Variants in CDADC1 observed in about 807,000 individuals in gnomAD.
The protein encoded by CDADC1 is cytidine and dCMP deaminase domain containing 1, also known as dCTP deaminase.
A neutral mutation model predicts 54.9 loss-of-function variants in CDADC1; 39 were observed. That is an observed-to-expected ratio of 0.71 (90% CI 0.55 to 0.93). CDADC1 has a LOEUF of 0.93. Among genes scored for constraint, CDADC1 ranks in the 40% least tolerant of loss-of-function variants. The pLI is 0.00. For synonymous variants in CDADC1, 186 were observed against 204.0 expected, an observed-to-expected ratio of 0.91 and a Z score of 0.75; for missense variants, 518 against 618.8, an observed-to-expected ratio of 0.84 and a Z score of 1.73.
rs948208331 is a variant in CDADC1 at position 49,291,979 on chromosome 13, C to T, written c.*222C>T. On this transcript the variant is annotated 3_prime_UTR_variant, in exon 10 of 10. Transcript: ENST00000251108. ...AATGTAGTAGTGTGTTATTTTATTA[C>T]ACGAAATGAGGGAGCAATAACTTCA... is the stretch of plus-strand genomic sequence containing the variant. The T allele has an allele frequency of 2.1e-5, 27 of 1,277,098 alleles. No homozygotes were observed. The highest frequency in any genetic ancestry group is 3.4e-5 in the East Asian group (1 of 29,490). 79.1% of individuals were successfully genotyped at this position (1,277,098 alleles called of 1,614,324 possible).
chr13:49,279,179 CTG>C (rs1461948789), intron 7 of CDADC1, among the ~76,000 whole-genome samples: 4 of 152,232 alleles, frequency 2.6e-5, no homozygotes, highest in South Asian at 2.1e-4. Context: ...GATTAAAAAA[CTG>C]TGTAAGACAT....
rs146406550 is a variant in CDADC1 at position 49,266,222 on chromosome 13, T to A, written c.431-1268T>A. ...ATTACATGCAGTACTAGCAAAGGGG[T>A]CTCTTTGTTATAAACTGTTCATTAA... is the stretch of plus-strand genomic sequence containing the variant. On this transcript the variant is annotated intron_variant, in intron 4 of 9. Coordinates refer to ENST00000251108, the MANE Select transcript of CDADC1 (RefSeq NM_030911.4). 2.0e-3 allele frequency among the ~76,000 whole-genome samples: 309 copies of A among 152,028 alleles called. 1 individual carries two copies. The highest frequency in any genetic ancestry group is 7.1e-3 in the African/African-American group (296 of 41,462).
rs1258609410 is a variant in CDADC1, at chr13:49,292,877, T to C, written c.*1120T>C. On this transcript the variant is annotated 3_prime_UTR_variant, in exon 10 of 10. Coordinates refer to ENST00000251108, the MANE Select transcript of CDADC1 (RefSeq NM_030911.4). ...TTTTGTTCCCTGCCTTTCCGCCACA[T>C]CACACGGCCTCACTGGGCTTCCTAC... 2.3e-6 allele frequency: 2 copies of C among 865,796 alleles called. No homozygotes were observed. The highest frequency in any genetic ancestry group is 3.2e-6 in the Non-Finnish European group (2 of 631,074). The allele number at this position is 865,796 out of a possible 1,614,324, so 53.6% of individuals were successfully genotyped here. A position where few individuals can be genotyped will look rare whatever the true frequency, so the allele number is the denominator to read the frequency against.
rs966493068 is a variant in CDADC1 at position 49,251,411 on chromosome 13, GA to G, written c.177+2455del. 2.4e-4 allele frequency among the ~76,000 whole-genome samples: 36 copies of G among 147,338 alleles called. No individual in the cohort carries two copies. The East Asian group carries it at 2.6e-3, about 11-fold the overall frequency. On this transcript the variant is annotated intron_variant, in intron 2 of 9. Transcript: ENST00000251108. Reference sequence around the variant, plus strand: ...GACAGAAAAAAAAAGAAAAAAAAAAGAAAAAAAAACGTATAAAAACTGGACA... The same window carrying G: ...GACAGAAAAAAAAAGAAAAAAAAAAGAAAAAAAACGTATAAAAACTGGACA...
rs1953206524 is a variant in CDADC1 at position 49,278,346 on chromosome 13, G to A, written c.1051-4G>A. 3.9e-6 allele frequency: 6 copies of A among 1,524,698 alleles called. No homozygotes were observed. In the East Asian group the frequency reaches 7.0e-5, roughly 18 times the overall value. The allele number at this position is 1,524,698 out of a possible 1,614,324, so 94.4% of individuals were successfully genotyped here. On this transcript the variant is annotated splice_region_variant and splice_polypyrimidine_tract_variant and intron_variant, in intron 6 of 9. Transcript: ENST00000251108. Reference sequence around the variant, plus strand: ...ACTAACCATTGGTTTGCTCACTCTCGTAGAGAAGTTGTGATGGAACAGGTG... The same window carrying A: ...ACTAACCATTGGTTTGCTCACTCTCATAGAGAAGTTGTGATGGAACAGGTG...
At chr13:49,248,801 T>C (rs1354169794) in intron 1 of CDADC1, 70 bp from the exon 2 acceptor site, 2 of 947,808 alleles carry the variant, frequency 2.1e-6, no homozygotes, top group African/African-American at 3.2e-5. Flanking sequence ...AGCACCTAAG[T>C]GGCATTGAGA....
intron 5 of CDADC1, among the ~76,000 whole-genome samples, chr13:49,273,738 A>AATAGATAG (rs60077680): frequency 0.028 from 4,320 of 151,842 alleles, 110 homozygotes; most frequent in East Asian, 0.12. Flanking sequence ...ACTTTCTAGC[A>AATAGATAG]ATAGATAGAT....
chr13:49,252,694 A>T lies in CDADC1; in HGVS notation c.178-3145A>T, dbSNP rs947024467. On this transcript the variant is annotated intron_variant, in intron 2 of 9. Transcript: ENST00000251108. ...TATAGCTGCAACATTTTTAAAAACT[A>T]TTTTTTTCTCTTGGATTTCCTTTTT... is the stretch of plus-strand genomic sequence containing the variant. Among the ~76,000 whole-genome samples the T allele has an allele frequency of 2.6e-5, 4 of 152,206 alleles. No individual in the cohort carries two copies. The East Asian group carries it at 7.7e-4, about 29-fold the overall frequency.
rs1473177442 is a variant in CDADC1, at chr13:49,272,185, T to C, written c.1001-2106T>C. Among the ~76,000 whole-genome samples the C allele has an allele frequency of 2.0e-5, 3 of 152,196 alleles. No homozygotes were observed. In the East Asian group the frequency reaches 5.8e-4, roughly 29 times the overall value. On this transcript the variant is annotated intron_variant, in intron 5 of 9. Coordinates refer to ENST00000251108, the MANE Select transcript of CDADC1 (RefSeq NM_030911.4). ...TGATGGTAGAAAAGGGGGCTTTTAA[T>C]ATGGAGAATTTTTATTCTGGTTTTT... is the stretch of plus-strand genomic sequence containing the variant.
chr13:49,280,980 C>G (rs531491844), intron 8 of CDADC1, among the ~76,000 whole-genome samples: 3 of 151,650 alleles, frequency 2.0e-5, no homozygotes, highest in African/African-American at 7.3e-5. Flanking sequence ...ATTACAGGCG[C>G]CGGCCACCAC....
intron 7 of CDADC1, 42 bp from the exon 8 acceptor site, chr13:49,280,467 T>A (rs1463574456): frequency 9.1e-7 from 1 of 1,104,736 alleles, no homozygotes; most frequent in South Asian, 2.6e-5. Context: ...AACTTACCCT[T>A]TCAGAAACGA....
At chr13:49,268,143 C>A in intron 5 of CDADC1, 84 bp downstream of exon 5, 1 of 1,078,018 alleles carries the variant, frequency 9.3e-7, no homozygotes, top group Non-Finnish European at 1.3e-6. Flanking sequence ...TGGTAGAGTT[C>A]ATTTACTCAT....
chr13:49,292,951 C>A lies in CDADC1; in HGVS notation c.*1194C>A. ...GACCATCCAAACATTGGCTCCATGC[C>A]AGGGCTGTGACTGCAGCCTGTGTAG... On this transcript the variant is annotated 3_prime_UTR_variant, in exon 10 of 10. Coordinates refer to ENST00000251108, the MANE Select transcript of CDADC1 (RefSeq NM_030911.4). 1 of 404,016 alleles carries A rather than the reference C, an allele frequency of 2.5e-6. No individual in the cohort carries two copies. Among genetic ancestry groups the A allele is most frequent in the Non-Finnish European group, 4.3e-6 (1 of 230,382 alleles). 25.0% of individuals were successfully genotyped at this position (404,016 alleles called of 1,614,324 possible). A position where few individuals can be genotyped will look rare whatever the true frequency, so the allele number is the denominator to read the frequency against.
chr13:49,254,857 T>G (rs542530570), intron 2 of CDADC1, among the ~76,000 whole-genome samples: 4 of 152,218 alleles, frequency 2.6e-5, no homozygotes, highest in Non-Finnish European at 5.9e-5. Context: ...CAATAAGTAT[T>G]TGTTGAACTA....
At position 49,278,353 on chromosome 13, in the gene CDADC1, A is replaced by C. The variant is rs1271343653; in HGVS notation, c.1054A>C (p.Ser352Arg). ...AVIWAEGKSR[S>R]CDGTGAMYFV... ...ATTGGTTTGCTCACTCTCGTAGAGA[A>C]GTTGTGATGGAACAGGTGCCATGTA... The change falls in exon 7 of 10, where the codon AGT (serine) becomes CGT (arginine). Residue 352 changes from serine to arginine, a missense_variant. Ser to Arg is a moderately radical substitution (Grantham distance 110, BLOSUM62 -1). Coordinates refer to ENST00000251108, the MANE Select transcript of CDADC1 (RefSeq NM_030911.4). The C allele has an allele frequency of 2.6e-6, 4 of 1,539,730 alleles. No homozygotes were observed. The highest frequency in any genetic ancestry group is 1.7e-4 in the Middle Eastern group (1 of 5,766).
Position 49,252,276 on chromosome 13 carries a change from C to T in CDADC1, c.177+3311C>T, listed in dbSNP as rs1413239110. Among the ~76,000 whole-genome samples, 5 of 152,188 alleles carry T rather than the reference C, an allele frequency of 3.3e-5. No individual in the cohort carries two copies. In the East Asian group the frequency reaches 7.7e-4, roughly 23 times the overall value. On this transcript the variant is annotated intron_variant, in intron 2 of 9. Coordinates refer to ENST00000251108, the MANE Select transcript of CDADC1 (RefSeq NM_030911.4). ...TCTTGGGTAGGCCTTTACTTCTGTT[C>T]TTACCTACAGGGCTTGGGACTCCAA...
intron 3 of CDADC1, 125 bp from the exon 4 acceptor site, chr13:49,259,221 G>C: frequency 2.7e-6 from 2 of 731,558 alleles, no homozygotes; most frequent in East Asian, 2.9e-5. Flanking sequence ...AATGTGCTTT[G>C]TACAAACTCT....
At chr13:49,264,527 G>A (rs1264691520) in intron 4 of CDADC1, among the ~76,000 whole-genome samples, 4 of 148,526 alleles carry the variant, frequency 2.7e-5, no homozygotes, top group Non-Finnish European at 4.5e-5. Context: ...AGACCAGCCT[G>A]GGCAACATAG....
At chr13:49,262,512 C>CCTA (rs1456382297) in intron 4 of CDADC1, among the ~76,000 whole-genome samples, 11 of 152,086 alleles carry the variant, frequency 7.2e-5, no homozygotes, top group Admixed American at 7.2e-4. Context: ...GGTAAAACTA[C>CCTA]TGTTTCCGTA....
Sources: allele counts gnomAD v4.1 joint callset (sites outside exome capture counted in the v4.1 genomes callset), GRCh38; gene constraint gnomAD v4.1.1; transcripts MANE v1.5; gene names NCBI Gene and HGNC (gene_info 2026-07-23, HGNC 2026-07-21).